The following ELOVL7 variants were observed in gnomAD, a reference collection of about 807,000 sequenced individuals.
The protein encoded by ELOVL7 is very long chain fatty acid elongase 7.
Under a neutral mutation model 35.7 loss-of-function variants are expected in ELOVL7, and 27 were observed. That is an observed-to-expected ratio of 0.76 (90% CI 0.56 to 1.04). ELOVL7 has a LOEUF of 1.04. Among genes scored for constraint, ELOVL7 ranks in the 50% least tolerant of loss-of-function variants. ELOVL7 has a pLI of 0.00. For synonymous variants in ELOVL7, 113 were observed against 114.6 expected (o/e 0.99, Z 0.09); for missense variants, 327 against 340.8 (o/e 0.96, Z 0.32).
At chr5:60,781,513 AAAC>A (rs760542241) in intron 3 of ELOVL7, among the ~76,000 whole-genome samples, 6 of 152,222 alleles carry the variant, frequency 3.9e-5, no homozygotes, top group Non-Finnish European at 8.8e-5. Context: ...AGTAGAAAGA[AAAC>A]AAGCCAGGAA....
intron 2 of ELOVL7, among the ~76,000 whole-genome samples, chr5:60,794,767 T>C (rs529006029): frequency 2.0e-5 from 3 of 152,146 alleles, no homozygotes; most frequent in Non-Finnish European, 4.4e-5. Flanking sequence ...AGGAATCAGA[T>C]ATCAGGGACA....
In ELOVL7 at chr5:60,767,912, G is replaced by C. The variant is rs374576689; in HGVS notation, c.256-9C>G. 1.2e-6 allele frequency: 2 copies of C among 1,609,818 alleles called. No homozygotes were observed. The highest frequency in any genetic ancestry group is 1.7e-6 in the Non-Finnish European group (2 of 1,176,334). ...CAGCCAGACATCACAAACTGCAAGA[G>C]AGCACATGCATATTAAGAAAGGAAA... On this transcript the variant is annotated splice_polypyrimidine_tract_variant and intron_variant, in intron 4 of 8. Transcript: ENST00000508821.
intron 8 of ELOVL7, 38 bp from the exon 9 acceptor site, chr5:60,754,871 T>C: frequency 1.3e-6 from 2 of 1,573,210 alleles, no homozygotes; most frequent in South Asian, 1.1e-5. Flanking sequence ...TATTCAGATA[T>C]GAAGAGTTAA....
intron 1 of ELOVL7, among the ~76,000 whole-genome samples, chr5:60,832,476 T>C (rs1746537040): frequency 6.6e-6 from 1 of 152,016 alleles, no homozygotes; most frequent in Admixed American, 6.6e-5. Context: ...AGCAATTCTC[T>C]TGCATTAGCC....
chr5:60,769,583 C>A (rs1742449305), intron 4 of ELOVL7, among the ~76,000 whole-genome samples: 1 of 152,146 alleles, frequency 6.6e-6, no homozygotes, highest in Non-Finnish European at 1.5e-5. Flanking sequence ...GCTTTGTAAA[C>A]CAAATGAAAT....
rs559976783 is a variant in ELOVL7, at chr5:60,786,685, A to G, written c.64+649T>C. 2.0e-4 allele frequency among the ~76,000 whole-genome samples: 30 copies of G among 152,076 alleles called. No individual in the cohort carries two copies. In the East Asian group the frequency reaches 3.1e-3, roughly 16 times the overall value. On this transcript the variant is annotated intron_variant, in intron 3 of 8. Transcript: ENST00000508821. Reference sequence around the variant, plus strand: ...GCAGTGGCCGGGCACAGTGGCTCACACCTGTAATCCCAGCACTTTGGGAGG... The same window carrying G: ...GCAGTGGCCGGGCACAGTGGCTCACGCCTGTAATCCCAGCACTTTGGGAGG...
At chr5:60,833,530 T>C (rs916707468) in intron 1 of ELOVL7, among the ~76,000 whole-genome samples, 1 of 152,082 alleles carries the variant, frequency 6.6e-6, no homozygotes, top group African/African-American at 2.4e-5. Context: ...CAACTTCTGG[T>C]ACTATCTAGG....
rs1743667320 is a variant in ELOVL7, at chr5:60,787,409, T to C, written c.-12A>G. 9.5e-6 allele frequency: 15 copies of C among 1,585,284 alleles called. No individual in the cohort carries two copies. The highest frequency in any genetic ancestry group is 1.9e-5 in the Admixed American group (1 of 53,780). ...TCACTGAAGGCCATTTTCCACAGGA[T>C]TTACTGGCTCTTTTAATGGGTTCTT... is the stretch of plus-strand genomic sequence containing the variant. On this transcript the variant is annotated 5_prime_UTR_variant, in exon 3 of 9. Coordinates refer to ENST00000508821, the MANE Select transcript of ELOVL7 (RefSeq NM_024930.3).
intron 1 of ELOVL7, among the ~76,000 whole-genome samples, chr5:60,833,302 C>A (rs906841546): frequency 5.3e-5 from 8 of 152,154 alleles, no homozygotes. Flanking sequence ...CCTGAATGAC[C>A]TCTCAGGTCC....
At chr5:60,829,401 T>G (rs557067843) in intron 1 of ELOVL7, among the ~76,000 whole-genome samples, 88 of 152,322 alleles carry the variant, frequency 5.8e-4, no homozygotes, top group African/African-American at 2.0e-3. Context: ...TTCTCTATAT[T>G]TCTAAAGTCA....
intron 3 of ELOVL7, 63 bp downstream of exon 3, chr5:60,787,271 T>G: frequency 7.3e-7 from 1 of 1,364,410 alleles, no homozygotes; most frequent in Non-Finnish European, 1.0e-6. Context: ...GAAATCCTAT[T>G]AAATATGAGA....
At chr5:60,803,773 C>T (rs1744775428) in intron 1 of ELOVL7, among the ~76,000 whole-genome samples, 6 of 152,096 alleles carry the variant, frequency 3.9e-5, no homozygotes. Flanking sequence ...GAACATATTA[C>T]CACATTTTCT....
chr5:60,814,400 A>G (rs1324896127), intron 1 of ELOVL7, among the ~76,000 whole-genome samples: 1 of 152,156 alleles, frequency 6.6e-6, no homozygotes, highest in East Asian at 1.9e-4. Flanking sequence ...CTTGAAACAA[A>G]GGGATCTGAC....
At chr5:60,822,027 T>G (rs923220139) in intron 1 of ELOVL7, among the ~76,000 whole-genome samples, 1 of 152,260 alleles carries the variant, frequency 6.6e-6, no homozygotes, top group Non-Finnish European at 1.5e-5. Flanking sequence ...TGTTCTTACC[T>G]TCCTCCTTTT....
chr5:60,797,253 T>A (rs1403970666), intron 2 of ELOVL7, among the ~76,000 whole-genome samples: 1 of 152,184 alleles, frequency 6.6e-6, no homozygotes, highest in Non-Finnish European at 1.5e-5. Context: ...CAAAAATACA[T>A]GTCCATTCCA....
chr5:60,806,954 A>G (rs1042608918), intron 1 of ELOVL7, among the ~76,000 whole-genome samples: 1 of 152,234 alleles, frequency 6.6e-6, no homozygotes, highest in African/African-American at 2.4e-5. Context: ...AGGCAACCAA[A>G]TAAGGAAGGG....
chr5:60,814,370 TGAG>T (rs1242466134), intron 1 of ELOVL7, among the ~76,000 whole-genome samples: 1 of 152,082 alleles, frequency 6.6e-6, no homozygotes, highest in Non-Finnish European at 1.5e-5. Flanking sequence ...ACAGATTCTG[TGAG>T]GAGATTGCAG....
chr5:60,757,269 T>C (rs569926512), intron 8 of ELOVL7, among the ~76,000 whole-genome samples: 7 of 152,250 alleles, frequency 4.6e-5, no homozygotes, highest in African/African-American at 1.4e-4. Flanking sequence ...TTTATTCTTG[T>C]ATAAATGCAT....
At chr5:60,828,163 C>T (rs1746283059) in intron 1 of ELOVL7, among the ~76,000 whole-genome samples, 2 of 152,144 alleles carry the variant, frequency 1.3e-5, no homozygotes, top group African/African-American at 4.8e-5. Flanking sequence ...TGCTTGTGGG[C>T]TTCATTAACA....
Sources: gnomAD v4.1 joint callset for allele counts (sites outside exome capture counted in the v4.1 genomes callset) on GRCh38, gnomAD v4.1.1 for gene constraint, MANE v1.5 for transcripts, NCBI Gene and HGNC (gene_info 2026-07-23, HGNC 2026-07-21) for gene names.